Variants in LMO7 observed in about 807,000 individuals in gnomAD.
LMO7 encodes the protein LIM domain only protein 7.
In LMO7, 120 loss-of-function variants were observed where a neutral mutation model predicts 206.5. The observed-to-expected ratio is 0.58, with a 90% CI of 0.50 to 0.68. The LOEUF (loss-of-function observed/expected upper bound fraction) is 0.68. LMO7 is among the 30% of genes least tolerant of loss of function. The probability of loss-of-function intolerance (pLI) is 0.00; values close to 1 mark genes in which losing one functional copy is unlikely to be tolerated. For missense variants in LMO7, 1,959 were observed against 1,957.9 expected (o/e 1.00, Z -0.01); for synonymous variants, 706 against 681.5 (o/e 1.04, Z -0.56).
chr13:75,849,991 G>T (rs2060353634), intron 27 of LMO7, among the ~76,000 whole-genome samples: 2 of 152,108 alleles, frequency 1.3e-5, no homozygotes, highest in Admixed American at 1.3e-4. Context: ...ATAGATGTGT[G>T]CCTGTAATCC....
chr13:75,738,561 T>C (rs1023190316), intron 3 of LMO7, among the ~76,000 whole-genome samples: 1 of 152,218 alleles, frequency 6.6e-6, no homozygotes, highest in African/African-American at 2.4e-5. Context: ...ATACATGTTC[T>C]CTATCTCTTC....
At chr13:75,653,502 A>C (rs527540717) in intron 1 of LMO7, among the ~76,000 whole-genome samples, 1 of 152,358 alleles carries the variant, frequency 6.6e-6, no homozygotes, top group African/African-American at 2.4e-5. Flanking sequence ...CAGTGCCTGG[A>C]GCCTTGATGA....
chr13:75,815,970 T>C (rs927923583), intron 11 of LMO7, among the ~76,000 whole-genome samples: 2 of 152,190 alleles, frequency 1.3e-5, no homozygotes, highest in African/African-American at 4.8e-5. Flanking sequence ...ATTTAGTGAG[T>C]TACAGTTTAC....
At chr13:75,626,962 T>C (rs1350371760) in intron 2 of LMO7, 1 of 152,144 alleles carries the variant, frequency 6.6e-6, no homozygotes, top group Non-Finnish European at 1.5e-5. Context: ...AAAATATTAC[T>C]GCTATCCACC....
intron 3 of LMO7, chr13:75,760,577 A>G: frequency 7.4e-7 from 1 of 1,356,280 alleles, no homozygotes; most frequent in Non-Finnish European, 9.5e-7. Context: ...TTGCCGTGCA[A>G]AGCTGGAAAG....
In LMO7 at chr13:75,820,907, GA is replaced by G. The variant is rs1283199059; in HGVS notation, c.2208-268del. On this transcript the variant is annotated intron_variant, in intron 13 of 30. Transcript: ENST00000377534. ...AGCTACTCGGGAGGCTGAGTCAGGAGAATTGCTTGAATGCGGGAGGCGGAGG... is the reference window on the plus strand; with the variant it reads ...AGCTACTCGGGAGGCTGAGTCAGGAGATTGCTTGAATGCGGGAGGCGGAGG... Among the ~76,000 whole-genome samples, 7 of 151,852 alleles carry G rather than the reference GA, an allele frequency of 4.6e-5. No homozygotes were observed. In the East Asian group the frequency reaches 1.4e-3, roughly 30 times the overall value.
Position 75,807,628 on chromosome 13 carries a change from C to G in LMO7, c.1345C>G (p.Leu449Val). 1.9e-6 allele frequency: 3 copies of G among 1,613,948 alleles called. No homozygotes were observed. The highest frequency in any genetic ancestry group is 2.5e-6 in the Non-Finnish European group (3 of 1,179,884). The part of the protein sequence containing the change: ...SYAPGYRRDD[L>V]EMAALDPDLE... The stretch of plus-strand genomic sequence containing the variant: ...TGCACCAGGCTATAGAAGAGATGAC[C>G]TCGAGATGGCAGCCCTGGATCCTGA... Residue 449 changes from leucine (L) to valine (V), a missense_variant, in exon 10 of 31, where the codon CTC becomes GTC. Coordinates refer to ENST00000377534, the MANE Select transcript of LMO7 (RefSeq NM_001306080.2).
chr13:75,750,377 CTTTTT>C (rs34407423), intron 3 of LMO7, among the ~76,000 whole-genome samples: 1 of 93,378 alleles, frequency 1.1e-5, no homozygotes, highest in Admixed American at 1.3e-4. Context: ...CTGGGGGATC[CTTTTT>C]TTTTTTTTTT....
chr13:75,679,328 C>T (rs563148161), intron 1 of LMO7, among the ~76,000 whole-genome samples: 1 of 152,314 alleles, frequency 6.6e-6, no homozygotes, highest in Admixed American at 6.5e-5. Context: ...TCTCACTCAT[C>T]CAGAGGCAAT....
chr13:75,782,575 C>T lies in LMO7; in HGVS notation c.318-12826C>T, dbSNP rs533066268. On this transcript the variant is annotated intron_variant, in intron 4 of 30. Coordinates refer to ENST00000377534, the MANE Select transcript of LMO7 (RefSeq NM_001306080.2). The stretch of plus-strand genomic sequence containing the variant: ...TAACAAATGACCACAAATGTAGTGA[C>T]TTAAAACAACACAAACTTACTCTCC... Among the ~76,000 whole-genome samples, 13 of 152,344 alleles carry T rather than the reference C, an allele frequency of 8.5e-5. No homozygotes were observed. The East Asian group carries it at 1.7e-3, about 20-fold the overall frequency.
chr13:75,854,396 C>T (rs768135522), intron 28 of LMO7, among the ~76,000 whole-genome samples: 2 of 151,904 alleles, frequency 1.3e-5, no homozygotes, highest in South Asian at 2.1e-4. Context: ...AATTTGGGTA[C>T]GGTAGGGAGG....
chr13:75,686,743 C>T (rs2041033555), intron 1 of LMO7, among the ~76,000 whole-genome samples: 3 of 152,166 alleles, frequency 2.0e-5, no homozygotes, highest in South Asian at 4.2e-4. Flanking sequence ...CATTGTCAGT[C>T]AGGGCTGCTA....
At chr13:75,723,583 A>G (rs1021541823) in intron 2 of LMO7, among the ~76,000 whole-genome samples, 4 of 152,198 alleles carry the variant, frequency 2.6e-5, no homozygotes, top group African/African-American at 9.7e-5. Context: ...TGTTCTCACT[A>G]AAGCTTTTAT....
intron 1 of LMO7, among the ~76,000 whole-genome samples, chr13:75,623,104 C>T (rs946002037): frequency 1.3e-5 from 2 of 152,070 alleles, no homozygotes; most frequent in Non-Finnish European, 2.9e-5. Flanking sequence ...TTGTGTTTGA[C>T]TCTTTTGGGG....
intron 20 of LMO7, 70 bp from the exon 21 acceptor site, chr13:75,840,015 A>C (rs774783050): frequency 1.4e-6 from 2 of 1,454,450 alleles, no homozygotes; most frequent in Admixed American, 3.4e-5. Context: ...AGTTTCTGAA[A>C]GGAATTATTT....
At chr13:75,778,535 C>G (rs369083451) in intron 4 of LMO7, among the ~76,000 whole-genome samples, 38 of 152,316 alleles carry the variant, frequency 2.5e-4, no homozygotes, top group African/African-American at 7.5e-4. Context: ...CCCGGCCAAT[C>G]GAGTGCCTTT....
chr13:75,776,162 G>GATATATATATATATATATATATAT (rs58964680), intron 4 of LMO7, among the ~76,000 whole-genome samples: 1 of 36,852 alleles, frequency 2.7e-5, no homozygotes, highest in Non-Finnish European at 6.0e-5. Context: ...ATATATATCG[G>GATATATATATATATATATATATAT]ATATATATAT....
intron 1 of LMO7, among the ~76,000 whole-genome samples, chr13:75,688,074 C>T (rs1440618754): frequency 6.6e-6 from 1 of 152,212 alleles, no homozygotes; most frequent in East Asian, 1.9e-4. Flanking sequence ...CCTTCTCCTC[C>T]TTTGCCTTCC....
chr13:75,672,243 T>C (rs2139395996), intron 1 of LMO7, among the ~76,000 whole-genome samples: 1 of 120,630 alleles, frequency 8.3e-6, no homozygotes. Context: ...AAAAAAGATT[T>C]TTTTTTTTTT....
Sources: gnomAD v4.1 joint callset for allele counts (sites outside exome capture counted in the v4.1 genomes callset) on GRCh38, gnomAD v4.1.1 for gene constraint, MANE v1.5 for transcripts, NCBI Gene and HGNC (gene_info 2026-07-23, HGNC 2026-07-21) for gene names.